Variants in EFCAB6 observed in about 807,000 individuals in gnomAD.
EFCAB6 encodes the protein EF-hand calcium binding domain 6.
EFCAB6 carries 156 observed loss-of-function variants against 169.8 expected under a neutral mutation model. The observed-to-expected ratio is 0.92, with a 90% CI of 0.81 to 1.05. The LOEUF (loss-of-function observed/expected upper bound fraction) is 1.05. Among genes scored for constraint, EFCAB6 ranks in the 50% least tolerant of loss-of-function variants. The probability of loss-of-function intolerance (pLI) is 0.00; values close to 1 mark genes in which losing one functional copy is unlikely to be tolerated. For synonymous variants in EFCAB6, 698 were observed against 676.4 expected, an observed-to-expected ratio of 1.03 and a Z score of -0.50; for missense variants, 1,800 against 1,829.1, an observed-to-expected ratio of 0.98 and a Z score of 0.29.
chr22:43,651,727 G>T (rs1360941828), intron 17 of EFCAB6, among the ~76,000 whole-genome samples: 3 of 152,242 alleles, frequency 2.0e-5, no homozygotes, highest in Admixed American at 2.0e-4. Context: ...GGGCGGAGCT[G>T]CCCAAGACCA....
At chr22:43,735,410 T>C (rs1448311941) in intron 7 of EFCAB6, among the ~76,000 whole-genome samples, 2 of 152,004 alleles carry the variant, frequency 1.3e-5, no homozygotes, top group East Asian at 1.9e-4. Flanking sequence ...TCCATTATTG[T>C]ATCAGGATGC....
intron 6 of EFCAB6, among the ~76,000 whole-genome samples, chr22:43,739,779 A>C (rs1046548687): frequency 2.1e-5 from 3 of 144,000 alleles, no homozygotes; most frequent in Admixed American, 6.9e-5. Context: ...ATGTCTTACC[A>C]CCCCCACCCC....
intron 20 of EFCAB6, among the ~76,000 whole-genome samples, chr22:43,620,484 T>G (rs1348695885): frequency 6.6e-6 from 1 of 152,102 alleles, no homozygotes; most frequent in Non-Finnish European, 1.5e-5. Flanking sequence ...AACCCCAAAC[T>G]CTATATCCAG....
chr22:43,631,134 C>T (rs9626004), intron 19 of EFCAB6, among the ~76,000 whole-genome samples: 5,126 of 151,854 alleles, frequency 0.034, 373 homozygotes, highest in African/African-American at 0.12. Context: ...TACCCAGTCT[C>T]TCGCCCGTCC....
chr22:43,644,233 G>C (rs2056002407), intron 17 of EFCAB6, among the ~76,000 whole-genome samples: 1 of 152,116 alleles, frequency 6.6e-6, no homozygotes, highest in Non-Finnish European at 1.5e-5. Context: ...TTGAGCAGGA[G>C]ATGACGGGTG....
rs147308005 is a variant in EFCAB6, at chr22:43,537,859, C to T, written c.3880-314G>A. On this transcript the variant is annotated intron_variant, in intron 28 of 31. Transcript: ENST00000262726. The surrounding 1 kb of genome is among the most constrained non-coding windows in gnomAD (Gnocchi z 4.3). ...TGTGTGTGTGTGTGAGAAGTGACAA[C>T]GACAAATTTTTTCACTAGCGGAAGA... Among the ~76,000 whole-genome samples, 84 of 152,058 alleles carry T rather than the reference C, an allele frequency of 5.5e-4. No individual in the cohort carries two copies. Among genetic ancestry groups the T allele is most frequent in the African/African-American group, 1.9e-3 (80 of 41,482 alleles).
intron 31 of EFCAB6, among the ~76,000 whole-genome samples, 198 bp from the exon 32 acceptor site, chr22:43,529,173 G>A (rs2046912502): frequency 6.6e-6 from 1 of 152,206 alleles, no homozygotes; most frequent in Non-Finnish European, 1.5e-5. Flanking sequence ...GCAGCCCTGT[G>A]TGCATCTGGG....
chr22:43,704,735 A>T (rs1309932143), intron 10 of EFCAB6, among the ~76,000 whole-genome samples: 1 of 152,192 alleles, frequency 6.6e-6, no homozygotes, highest in Non-Finnish European at 1.5e-5. Context: ...CATGGTAACA[A>T]CAAAACAAAA....
intron 2 of EFCAB6, among the ~76,000 whole-genome samples, chr22:43,800,619 G>A (rs1231195083): frequency 1.3e-5 from 2 of 152,180 alleles, no homozygotes; most frequent in Non-Finnish European, 2.9e-5. Context: ...GAGAAATTTA[G>A]CAGAGATTGA....
chr22:43,742,097 C>A (rs1411050942), intron 6 of EFCAB6, among the ~76,000 whole-genome samples: 1 of 152,212 alleles, frequency 6.6e-6, no homozygotes, highest in African/African-American at 2.4e-5. Flanking sequence ...TCACCTGAGT[C>A]ATTACCCATG....
At chr22:43,715,857 C>A (rs1387165153) in intron 9 of EFCAB6, among the ~76,000 whole-genome samples, 2 of 152,204 alleles carry the variant, frequency 1.3e-5, no homozygotes, top group Non-Finnish European at 2.9e-5. Context: ...TCTCCAACAC[C>A]CTTATCGACA....
intron 25 of EFCAB6, 55 bp from the exon 26 acceptor site, chr22:43,576,543 A>G: frequency 7.0e-7 from 1 of 1,437,708 alleles, no homozygotes; most frequent in South Asian, 1.5e-5. Flanking sequence ...GAATACTTCT[A>G]AAACACTTTC....
chr22:43,751,490 G>GT (rs1182400204), intron 6 of EFCAB6, among the ~76,000 whole-genome samples: 1 of 152,246 alleles, frequency 6.6e-6, no homozygotes, highest in Non-Finnish European at 1.5e-5. Context: ...CCTGAAGAAT[G>GT]TGAGGAAGCT....
At chr22:43,689,202 T>A (rs960150802) in intron 10 of EFCAB6, among the ~76,000 whole-genome samples, 1 of 148,266 alleles carries the variant, frequency 6.7e-6, no homozygotes, top group Non-Finnish European at 1.5e-5. Context: ...GAACAAAAAA[T>A]TTTGCGGGGG....
At chr22:43,691,532 T>A (rs2058413067) in intron 10 of EFCAB6, among the ~76,000 whole-genome samples, 1 of 152,116 alleles carries the variant, frequency 6.6e-6, no homozygotes, top group Non-Finnish European at 1.5e-5. Context: ...GCTTATCTGG[T>A]ACTTGAATAA....
At chr22:43,730,708 C>T (rs148479489) in intron 8 of EFCAB6, among the ~76,000 whole-genome samples, 14 of 152,286 alleles carry the variant, frequency 9.2e-5, no homozygotes, top group African/African-American at 2.4e-4. Flanking sequence ...TGTTTACTTC[C>T]ATCTCTTCCT....
intron 26 of EFCAB6, among the ~76,000 whole-genome samples, chr22:43,561,115 T>C (rs1449706889): frequency 6.6e-6 from 1 of 151,948 alleles, no homozygotes; most frequent in Admixed American, 6.6e-5. Flanking sequence ...TCTCAGCACT[T>C]TGGGAGGCCA....
At chr22:43,598,325 A>AAC (rs1569223162) in intron 23 of EFCAB6, among the ~76,000 whole-genome samples, 17 of 149,606 alleles carry the variant, frequency 1.1e-4, no homozygotes, top group Non-Finnish European at 2.2e-4. Flanking sequence ...AAAAAAAAAA[A>AAC]AAAAAAAAAA....
At chr22:43,722,051 A>G (rs771906777) in intron 8 of EFCAB6, among the ~76,000 whole-genome samples, 2 of 152,152 alleles carry the variant, frequency 1.3e-5, no homozygotes, top group Non-Finnish European at 2.9e-5. Context: ...CAACAAGCAG[A>G]AAACAAATAA....
Sources: allele counts gnomAD v4.1 joint callset (sites outside exome capture counted in the v4.1 genomes callset), GRCh38; gene constraint gnomAD v4.1.1; non-coding constraint Gnocchi (gnomAD v3.1); transcripts MANE v1.5; gene names NCBI Gene and HGNC (gene_info 2026-07-23, HGNC 2026-07-21).